CHD9: variants seen among roughly 807,000 people sequenced by gnomAD.
CHD9 encodes the protein ATP-dependent chromatin remodeler CHD9.
Under a neutral mutation model 316.1 loss-of-function variants are expected in CHD9, and 77 were observed. The observed-to-expected ratio is 0.24, with a 90% CI of 0.20 to 0.29. The LOEUF is 0.29. Ranked by LOEUF, CHD9 falls within the 10% of genes least tolerant of loss-of-function variation. The pLI is 1.00. For missense variants in CHD9, 2,763 were observed against 3,438.1 expected, an observed-to-expected ratio of 0.80 and a Z score of 4.91; for synonymous variants, 1,129 against 1,158.3, an observed-to-expected ratio of 0.97 and a Z score of 0.51.
At chr16:53,238,213 A>G (rs2048794950) in intron 11 of CHD9, 130 bp from the exon 12 acceptor site, 1 of 827,920 alleles carries the variant, frequency 1.2e-6, no homozygotes, top group Non-Finnish European at 1.8e-6. Context: ...CCTACCCTGC[A>G]CTTAAGCAAC....
intron 1 of CHD9, among the ~76,000 whole-genome samples, chr16:53,117,424 ATAT>A (rs1233102938): frequency 6.6e-6 from 1 of 151,462 alleles, no homozygotes; most frequent in Non-Finnish European, 1.5e-5. Context: ...ATATATATAT[ATAT>A]TTTTGGAAAC....
intron 11 of CHD9, among the ~76,000 whole-genome samples, chr16:53,237,558 T>C (rs1037112175): frequency 1.3e-5 from 2 of 152,124 alleles, no homozygotes; most frequent in African/African-American, 4.8e-5. Context: ...CAACTTTTGG[T>C]CCTTCAGTTC....
intron 2 of CHD9, among the ~76,000 whole-genome samples, chr16:53,162,141 G>A (rs967132858): frequency 6.6e-5 from 10 of 152,152 alleles, no homozygotes; most frequent in Non-Finnish European, 1.5e-4. Flanking sequence ...TGTGTCAATT[G>A]TTAACAACAG....
At chr16:53,272,398 C>A (rs539537158) in intron 22 of CHD9, among the ~76,000 whole-genome samples, 1 of 151,228 alleles carries the variant, frequency 6.6e-6, no homozygotes, top group South Asian at 2.1e-4. Flanking sequence ...ATGGACAAAC[C>A]CATACAGTGC....
In CHD9 at chr16:53,260,530, A is replaced by G. The variant is rs776146150; in HGVS notation, c.4210-2457A>G. Among the ~76,000 whole-genome samples the G allele has an allele frequency of 3.3e-5, 5 of 152,216 alleles. No individual in the cohort carries two copies. In the East Asian group the frequency reaches 7.7e-4, roughly 24 times the overall value. Reference sequence around the variant, plus strand: ...TTATAATATGTGGTTTCTCGTTAAGAGTGTCTGATGCTATTTCCTGTTGTC... The same window carrying G: ...TTATAATATGTGGTTTCTCGTTAAGGGTGTCTGATGCTATTTCCTGTTGTC... On this transcript the variant is annotated intron_variant, in intron 19 of 38. Coordinates refer to ENST00000447540, the MANE Select transcript of CHD9 (RefSeq NM_001308319.2).
intron 2 of CHD9, among the ~76,000 whole-genome samples, chr16:53,198,047 G>A (rs11075782): frequency 0.28 from 42,292 of 151,814 alleles, 5,978 homozygotes; most frequent in Middle Eastern, 0.32. Flanking sequence ...TTTCTCAAGC[G>A]TATCGACTCT....
rs1346009080 is a variant in CHD9, at chr16:53,139,200, AT to A, written c.-164-16724del. ...TCAGCAGGAAAATCCCAGAAAACAA[AT>A]TGTCCTTAGGTAAGAATGGGGAAGT... On this transcript the variant is annotated intron_variant, in intron 1 of 38. Transcript: ENST00000447540. Among the ~76,000 whole-genome samples the A allele has an allele frequency of 4.6e-5, 7 of 152,298 alleles. No homozygotes were observed. In the East Asian group the frequency reaches 1.4e-3, roughly 29 times the overall value.
At chr16:53,121,062 T>G (rs555787860) in intron 1 of CHD9, among the ~76,000 whole-genome samples, 1 of 152,292 alleles carries the variant, frequency 6.6e-6, no homozygotes, top group East Asian at 1.9e-4. Context: ...TTACAGTACC[T>G]GCAAATGAAG....
chr16:53,171,882 A>G (rs2042774951), intron 2 of CHD9, among the ~76,000 whole-genome samples: 1 of 144,476 alleles, frequency 6.9e-6, no homozygotes, highest in South Asian at 2.1e-4. Flanking sequence ...ACACACACAC[A>G]CACACACACA....
At chr16:53,105,581 C>G (rs925981451) in intron 1 of CHD9, among the ~76,000 whole-genome samples, 1 of 152,156 alleles carries the variant, frequency 6.6e-6, no homozygotes, top group African/African-American at 2.4e-5. Context: ...TAACAATACG[C>G]CAGTGAATAA....
chr16:53,123,769 T>C (rs940678073), intron 1 of CHD9, among the ~76,000 whole-genome samples: 1 of 152,194 alleles, frequency 6.6e-6, no homozygotes, highest in African/African-American at 2.4e-5. Context: ...CCCAAAATGC[T>C]GGAATTACAG....
At position 53,209,531 on chromosome 16, in the gene CHD9, A is replaced by G; in HGVS notation, c.1502A>G (p.Gln501Arg). 1 of 1,613,858 alleles carries G rather than the reference A, an allele frequency of 6.2e-7. No homozygotes were observed. The highest frequency in any genetic ancestry group is 8.5e-7 in the Non-Finnish European group (1 of 1,179,784). The change falls in exon 3 of 39, where the codon CAG (glutamine) becomes CGG (arginine). Residue 501 changes from glutamine (Q) to arginine (R), a missense_variant. By Grantham distance (43) the Gln-to-Arg change is conservative (BLOSUM62 1). This residue lies in a region of CHD9 where 859 missense variants were observed against 890.4 expected (regional missense o/e 0.96). Coordinates refer to ENST00000447540, the MANE Select transcript of CHD9 (RefSeq NM_001308319.2). ...GGTTCTGGGACATATACTAAGTTGC[A>G]GAATACCCAGGTGAGGGTCATGTCT... Reference protein sequence around the residue: ...SDGSGTYTKLQNTQVRVMSEK... With the variant: ...SDGSGTYTKLRNTQVRVMSEK...
chr16:53,185,591 A>T (rs531282880), intron 2 of CHD9, among the ~76,000 whole-genome samples: 1 of 152,228 alleles, frequency 6.6e-6, no homozygotes, highest in Non-Finnish European at 1.5e-5. Flanking sequence ...GTCGAATGTT[A>T]ATCAAGACAA....
rs141057948 is a variant in CHD9 at position 53,232,607 on chromosome 16, C to T, written c.2511+823C>T. ...GTTAAATAAAATAGCATATAAGTCA[C>T]GTAAAGTATTTTGAGATTCTGTAAA... is the stretch of plus-strand genomic sequence containing the variant. On this transcript the variant is annotated intron_variant, in intron 10 of 38. Coordinates refer to ENST00000447540, the MANE Select transcript of CHD9 (RefSeq NM_001308319.2). 1.4e-3 allele frequency among the ~76,000 whole-genome samples: 219 copies of T among 152,068 alleles called. 1 individual carries two copies. Among genetic ancestry groups the T allele is most frequent in the African/African-American group, 3.8e-3 (158 of 41,456 alleles).
intron 1 of CHD9, among the ~76,000 whole-genome samples, chr16:53,082,193 G>A (rs1023581365): frequency 6.7e-6 from 1 of 149,776 alleles, no homozygotes; most frequent in African/African-American, 2.5e-5. Flanking sequence ...TTAAGGACAG[G>A]AGAACATTTT....
At chr16:53,256,013 G>T (rs1284725303) in intron 19 of CHD9, among the ~76,000 whole-genome samples, 1 of 152,148 alleles carries the variant, frequency 6.6e-6, no homozygotes, top group Non-Finnish European at 1.5e-5. Context: ...AAATGTTAGA[G>T]TAGAACATAT....
In CHD9 at chr16:53,109,602, T is replaced by C. The variant is rs2037668307; in HGVS notation, c.-164-46324T>C. ...CACCTGCCTTGGCCTCCCAAAGTGC[T>C]GGGATTACGGGTGTGAGCCACAGCG... On this transcript the variant is annotated intron_variant, in intron 1 of 38. Coordinates refer to ENST00000447540, the MANE Select transcript of CHD9 (RefSeq NM_001308319.2). Among the ~76,000 whole-genome samples, 3 of 151,326 alleles carry C rather than the reference T, an allele frequency of 2.0e-5. No homozygotes were observed. The South Asian group carries it at 6.3e-4, about 32-fold the overall frequency.
intron 2 of CHD9, among the ~76,000 whole-genome samples, chr16:53,170,557 A>T (rs1423863244): frequency 6.7e-6 from 1 of 148,752 alleles, no homozygotes; most frequent in Non-Finnish European, 1.5e-5. Flanking sequence ...TGCATCGTGC[A>T]GTACTAGTAT....
intron 12 of CHD9, among the ~76,000 whole-genome samples, chr16:53,239,937 A>G (rs1251851271): frequency 6.6e-6 from 1 of 152,164 alleles, no homozygotes; most frequent in East Asian, 1.9e-4. Context: ...TTTCGTATAA[A>G]TGTAATTGTT....
Sources: allele counts gnomAD v4.1 joint callset (sites outside exome capture counted in the v4.1 genomes callset), GRCh38; gene constraint gnomAD v4.1.1; regional missense constraint gnomAD v4.1.1; transcripts MANE v1.5; gene names NCBI Gene and HGNC (gene_info 2026-07-23, HGNC 2026-07-21).